TGFA: variants seen among roughly 807,000 people sequenced by gnomAD.
The protein encoded by TGFA is transforming growth factor alpha, also known as protransforming growth factor alpha.
TGFA carries 12 observed loss-of-function variants against 21.7 expected under a neutral mutation model. The ratio of observed to expected loss-of-function variants is 0.55; its 90% CI spans 0.35 to 0.90. The LOEUF (loss-of-function observed/expected upper bound fraction) is 0.90, where lower values mean the gene tolerates loss of function less well. Among genes scored for constraint, TGFA ranks in the 40% least tolerant of loss-of-function variants. The probability of loss-of-function intolerance (pLI) is 0.01; values close to 1 mark genes in which losing one functional copy is unlikely to be tolerated. For missense variants in TGFA, 178 were observed against 210.8 expected (o/e 0.84, Z 0.96); for synonymous variants, 79 against 88.1 (o/e 0.90, Z 0.58).
intron 3 of TGFA, among the ~76,000 whole-genome samples, chr2:70,463,961 C>T (rs782274972): frequency 6.6e-6 from 1 of 152,174 alleles, no homozygotes; most frequent in Admixed American, 6.5e-5. Flanking sequence ...GGTGTGGAGG[C>T]CTGTCATCTG....
Position 70,553,805 on chromosome 2 carries a change from GC to G in TGFA, c.-39del. On this transcript the variant is annotated 5_prime_UTR_variant, in exon 1 of 6. Transcript: ENST00000295400. ...CGGGCAGCAGGCTCTCCAGCCTCCTGCCCTACCTGCGGTGCCCGAGTGGCGG... is the reference window on the plus strand; with the variant it reads ...CGGGCAGCAGGCTCTCCAGCCTCCTGCCTACCTGCGGTGCCCGAGTGGCGG... 1 of 1,255,858 alleles carries G rather than the reference GC, an allele frequency of 8.0e-7. No homozygotes were observed. The highest frequency in any genetic ancestry group is 1.0e-6 in the Non-Finnish European group (1 of 993,554). The allele number at this position is 1,255,858 out of a possible 1,614,324, so 77.8% of individuals were successfully genotyped here.
At chr2:70,526,423 A>G (rs1434082791) in intron 1 of TGFA, among the ~76,000 whole-genome samples, 1 of 152,154 alleles carries the variant, frequency 6.6e-6, no homozygotes, top group Non-Finnish European at 1.5e-5. Flanking sequence ...TAAGGCCCCT[A>G]ATGTATCTCC....
At chr2:70,519,137 G>C (rs1365007890) in intron 1 of TGFA, among the ~76,000 whole-genome samples, 1 of 152,152 alleles carries the variant, frequency 6.6e-6, no homozygotes, top group Non-Finnish European at 1.5e-5. Context: ...CAGGGCAGAA[G>C]GGAGTGTGGG....
At chr2:70,492,175 T>C (rs1553497771) in intron 2 of TGFA, among the ~76,000 whole-genome samples, 1 of 152,138 alleles carries the variant, frequency 6.6e-6, no homozygotes, top group African/African-American at 2.4e-5. Context: ...GGACCTGACA[T>C]AGCCAGGGCT....
At position 70,448,063 on chromosome 2, in the gene TGFA, C is replaced by T. The variant is rs970635888; in HGVS notation, c.*2796G>A. On this transcript the variant is annotated 3_prime_UTR_variant, in exon 6 of 6. Coordinates refer to ENST00000295400, the MANE Select transcript of TGFA (RefSeq NM_003236.4). ...GTGAGTGGCAATCCCATCTTTTTCTCCTTTCTCAGGGAAAAGAACTCTAGG... is the reference window on the plus strand; with the variant it reads ...GTGAGTGGCAATCCCATCTTTTTCTTCTTTCTCAGGGAAAAGAACTCTAGG... 5 of 152,212 alleles carry T rather than the reference C, an allele frequency of 3.3e-5. No homozygotes were observed. In the South Asian group the frequency reaches 1.0e-3, roughly 32 times the overall value. The allele number at this position is 152,212 out of a possible 1,614,324, so 9.4% of individuals were successfully genotyped here. A position where few individuals can be genotyped will look rare whatever the true frequency, so the allele number is the denominator to read the frequency against.
At chr2:70,507,637 A>G (rs1432325693) in intron 2 of TGFA, among the ~76,000 whole-genome samples, 13 of 152,270 alleles carry the variant, frequency 8.5e-5, no homozygotes, top group Admixed American at 8.5e-4. Context: ...TAGTTGGGTC[A>G]CAGGGCATAT....
chr2:70,473,050 C>T (rs530095832), intron 2 of TGFA, among the ~76,000 whole-genome samples: 2 of 152,150 alleles, frequency 1.3e-5, no homozygotes, highest in Non-Finnish European at 1.5e-5. Flanking sequence ...ACTGGGGAAG[C>T]TGGCGGGGGG....
rs1423009192 is a variant in TGFA, at chr2:70,449,334, A to G, written c.*1525T>C. On this transcript the variant is annotated 3_prime_UTR_variant, in exon 6 of 6. Coordinates refer to ENST00000295400, the MANE Select transcript of TGFA (RefSeq NM_003236.4). ...CGATGTAATAAGCTAGGTGCACTTA[A>G]GAGTTAATACATAGAAATCTTTCAC... is the stretch of plus-strand genomic sequence containing the variant. 6.6e-6 allele frequency: 1 copy of G among 152,476 alleles called. No individual in the cohort carries two copies. Among genetic ancestry groups the G allele is most frequent in the African/African-American group, 2.4e-5 (1 of 41,480 alleles). The allele number at this position is 152,476 out of a possible 1,614,324, so 9.4% of individuals were successfully genotyped here. A position where few individuals can be genotyped will look rare whatever the true frequency, so the allele number is the denominator to read the frequency against.
intron 1 of TGFA, among the ~76,000 whole-genome samples, chr2:70,530,389 T>G (rs1305738531): frequency 6.6e-6 from 1 of 152,172 alleles, no homozygotes; most frequent in Non-Finnish European, 1.5e-5. Context: ...ATCCCAGGGA[T>G]CTCCATCTAA....
chr2:70,484,602 C>T (rs1212624110), intron 2 of TGFA, among the ~76,000 whole-genome samples: 1 of 152,176 alleles, frequency 6.6e-6, no homozygotes, highest in Non-Finnish European at 1.5e-5. Flanking sequence ...AGATGTGCTA[C>T]CCACCCTTCC....
chr2:70,521,611 T>TGG (rs1672465461), intron 1 of TGFA, among the ~76,000 whole-genome samples: 1 of 93,660 alleles, frequency 1.1e-5, no homozygotes, highest in African/African-American at 3.8e-5. Flanking sequence ...TTGTTGTTGT[T>TGG]TGTTTGTTTT....
chr2:70,521,908 G>C lies in TGFA; in HGVS notation c.41-6996C>G, dbSNP rs13408696. 8.8e-3 allele frequency among the ~76,000 whole-genome samples: 1,332 copies of C among 152,104 alleles called. 15 individuals are homozygous for C. Among genetic ancestry groups the C allele is most frequent in the African/African-American group, 0.03 (1,255 of 41,478 alleles). On this transcript the variant is annotated intron_variant, in intron 1 of 5. Transcript: ENST00000295400. ...GATTACAGGCGCAGGCCACCGTACC[G>C]AACCTATTGACAGTTTTCATTCACA...
intron 1 of TGFA, among the ~76,000 whole-genome samples, chr2:70,529,765 T>A (rs188742882): frequency 8.5e-5 from 13 of 152,138 alleles, no homozygotes; most frequent in Non-Finnish European, 1.6e-4. Context: ...AGCAATAACA[T>A]CTGATGCATG....
intron 2 of TGFA, among the ~76,000 whole-genome samples, chr2:70,486,411 AC>A (rs1289947285): frequency 1.3e-5 from 2 of 152,310 alleles, no homozygotes; most frequent in African/African-American, 4.8e-5. Flanking sequence ...GCAAATTGCA[AC>A]AAGATCCTTA....
At chr2:70,544,223 G>T (rs1208747720) in intron 1 of TGFA, among the ~76,000 whole-genome samples, 1 of 151,848 alleles carries the variant, frequency 6.6e-6, no homozygotes, top group African/African-American at 2.4e-5. Flanking sequence ...AAAAATACAA[G>T]GATATCTACT....
intron 2 of TGFA, among the ~76,000 whole-genome samples, chr2:70,487,399 G>A (rs1344867239): frequency 6.6e-6 from 1 of 152,188 alleles, no homozygotes; most frequent in Non-Finnish European, 1.5e-5. Flanking sequence ...ATACATATAT[G>A]AGATATGAGA....
At chr2:70,538,243 G>C (rs62151578) in intron 1 of TGFA, among the ~76,000 whole-genome samples, 17,820 of 152,226 alleles carry the variant, frequency 0.12, 1,413 homozygotes, top group South Asian at 0.28. Flanking sequence ...CAAGAGCTCT[G>C]ATGGAGCTGT....
chr2:70,546,374 G>A (rs993268188), intron 1 of TGFA, among the ~76,000 whole-genome samples: 52 of 152,182 alleles, frequency 3.4e-4, no homozygotes, highest in African/African-American at 7.7e-4. Context: ...TGGGTATATC[G>A]TGTAATTCTG....
Position 70,504,459 on chromosome 2 carries a change from T to TATATATATATATAC in TGFA, c.94+10399_94+10400insGTATATATATATAT, listed in dbSNP as rs1559124011. ...ATATATATATATATATATATATATA[T>TATATATATATATAC]ATATACACACATACATACATACATA... On this transcript the variant is annotated intron_variant, in intron 2 of 5. Coordinates refer to ENST00000295400, the MANE Select transcript of TGFA (RefSeq NM_003236.4). Among the ~76,000 whole-genome samples the TATATATATATATAC allele has an allele frequency of 6.7e-5, 5 of 74,332 alleles. No individual in the cohort carries two copies. In the East Asian group the frequency reaches 1.3e-3, roughly 19 times the overall value. The allele number at this position is 74,332 out of a possible 152,430, so 48.8% of individuals were successfully genotyped here.
Sources: gnomAD v4.1 joint callset for allele counts (sites outside exome capture counted in the v4.1 genomes callset) on GRCh38, gnomAD v4.1.1 for gene constraint, MANE v1.5 for transcripts, NCBI Gene and HGNC (gene_info 2026-07-23, HGNC 2026-07-21) for gene names.